Variants in LRP4 observed in about 807,000 individuals in gnomAD.
The protein encoded by LRP4 is low-density lipoprotein receptor-related protein 4.
Under a neutral mutation model 220.3 loss-of-function variants are expected in LRP4, and 95 were observed. The ratio of observed to expected loss-of-function variants is 0.43; its 90% CI spans 0.37 to 0.51. The LOEUF (loss-of-function observed/expected upper bound fraction) is 0.51, where lower values mean the gene tolerates loss of function less well. Ranked by LOEUF, LRP4 falls within the 20% of genes least tolerant of loss-of-function variation. The pLI is 0.00. For missense variants in LRP4, 1,925 were observed against 2,567.0 expected (o/e 0.75, Z 5.40); for synonymous variants, 903 against 954.6 (o/e 0.95, Z 1.00).
At chr11:46,902,724 TG>T in intron 2 of LRP4, 58 bp downstream of exon 2, 1 of 1,602,670 alleles carries the variant, frequency 6.2e-7, no homozygotes, top group Non-Finnish European at 8.5e-7. Context: ...GCCTTGTCCT[TG>T]CCCCCCACCC....
In LRP4 at chr11:46,878,194, C is replaced by T. The variant is rs144109244; in HGVS notation, c.3136+713G>A. ...TTGTGCACTCACAAAAGTGGCACAT[C>T]TAAGGAGGAGGGTACTGTGACATTG... On this transcript the variant is annotated intron_variant, in intron 22 of 37. Transcript: ENST00000378623. Among the ~76,000 whole-genome samples the T allele has an allele frequency of 9.7e-4, 147 of 151,240 alleles. 1 individual carries two copies. Among genetic ancestry groups the T allele is most frequent in the African/African-American group, 3.4e-3 (140 of 41,200 alleles).
chr11:46,897,093 C>T, intron 7 of LRP4, 99 bp from the exon 8 acceptor site: 1 of 1,477,104 alleles, frequency 6.8e-7, no homozygotes, highest in South Asian at 1.1e-5. Flanking sequence ...CCATGCCACT[C>T]TTGACACCGG....
At chr11:46,886,234 TCCA>T (rs1361063165) in intron 17 of LRP4, 62 bp from the exon 18 acceptor site, 4 of 1,598,880 alleles carry the variant, frequency 2.5e-6, no homozygotes, top group African/African-American at 1.3e-5. Context: ...GAGCCCAAAC[TCCA>T]CCAATTCTCA....
chr11:46,896,069 A>G, intron 9 of LRP4, 51 bp from the exon 10 acceptor site: 3 of 1,613,518 alleles, frequency 1.9e-6, no homozygotes, highest in Non-Finnish European at 2.5e-6. Flanking sequence ...CCTCCCCCAG[A>G]GAGCCAACTT....
chr11:46,875,221 G>C lies in LRP4; in HGVS notation c.3926-118C>G. ...TTCTAAGTGACAGGATTCAGTGCCT[G>C]GCAGGGTGAGGTAGAAGGAGGGTCT... On this transcript the variant is annotated intron_variant, in intron 27 of 37. Coordinates refer to ENST00000378623, the MANE Select transcript of LRP4 (RefSeq NM_002334.4). This position sits in a 1 kb window ranked among gnomAD's most constrained non-coding sequence, Gnocchi z 4.5. 9.0e-7 allele frequency: 1 copy of C among 1,111,580 alleles called. No individual in the cohort carries two copies. The highest frequency in any genetic ancestry group is 1.3e-6 in the Non-Finnish European group (1 of 759,290). The allele number at this position is 1,111,580 out of a possible 1,614,324, so 68.9% of individuals were successfully genotyped here.
At chr11:46,879,384 A>C in intron 20 of LRP4, 69 bp from the exon 21 acceptor site, 187 of 1,523,022 alleles carry the variant, frequency 1.2e-4, no homozygotes, top group Non-Finnish European at 1.5e-4. Flanking sequence ...CAAAGAGCTC[A>C]CTGTGGACTC....
At chr11:46,872,017 G>A (rs1033851127) in intron 30 of LRP4, among the ~76,000 whole-genome samples, 1 of 152,160 alleles carries the variant, frequency 6.6e-6, no homozygotes, top group Non-Finnish European at 1.5e-5. Context: ...CAGCACTTTG[G>A]GAGGCCGAGG....
rs765950285 is a variant in LRP4 at position 46,899,400 on chromosome 11, A to T, written c.534T>A (p.Asp178Glu). Reference protein sequence around the residue: ...DGDTDCKDGSDEENCPSAVPA... With the variant: ...DGDTDCKDGSEEENCPSAVPA... ...GGGGCCACTCACGACAGTTCTCCTC[A>T]TCGGAGCCATCTTTGCAGTCGGTGT... Residue 178 changes from aspartate (D) to glutamate (E), a missense_variant, in exon 5 of 38, where the codon GAT becomes GAA. Physicochemically the swap from Asp to Glu is conservative, Grantham distance 45 (BLOSUM62 2). Transcript: ENST00000378623. The surrounding 1 kb of genome is among the most constrained non-coding windows in gnomAD (Gnocchi z 5.9). The T allele has an allele frequency of 6.2e-7, 1 of 1,613,702 alleles. No homozygotes were observed. The highest frequency in any genetic ancestry group is 8.5e-7 in the Non-Finnish European group (1 of 1,179,746).
intron 7 of LRP4, among the ~76,000 whole-genome samples, chr11:46,897,368 A>ATTTTTTTTTTTTTTTT (rs1205633560): frequency 1.2e-5 from 1 of 86,710 alleles, no homozygotes; most frequent in Non-Finnish European, 2.4e-5. Flanking sequence ...TTTTATTTTT[A>ATTTTTTTTTTTTTTTT]TTTTTTTTTA....
Position 46,918,328 on chromosome 11 carries a change from C to T in LRP4, c.52G>A (p.Gly18Ser). Reference protein sequence around the residue: ...LLLGALLCAHGLASSPECACG... With the variant: ...LLLGALLCAHSLASSPECACG... The stretch of plus-strand genomic sequence containing the variant: ...AACTTTCCCGGCGGGCGCCGCTTAC[C>T]GTGTGCGCAGAGCAGGGCGCCAAGC... Residue 18 changes from glycine to serine, a missense_variant and splice_region_variant, in exon 1 of 38, where the codon GGC becomes AGC. By Grantham distance (56) the Gly-to-Ser change is moderately conservative. Transcript: ENST00000378623. This position sits in a 1 kb window ranked among gnomAD's most constrained non-coding sequence, Gnocchi z 6.0. The T allele has an allele frequency of 6.6e-7, 1 of 1,509,092 alleles. No individual in the cohort carries two copies. The highest frequency in any genetic ancestry group is 8.8e-7 in the Non-Finnish European group (1 of 1,134,804). The allele number at this position is 1,509,092 out of a possible 1,614,324, so 93.5% of individuals were successfully genotyped here. A position where few individuals can be genotyped will look rare whatever the true frequency, so the allele number is the denominator to read the frequency against.
chr11:46,865,789 T>C (rs1159208894), intron 34 of LRP4, among the ~76,000 whole-genome samples: 2 of 152,196 alleles, frequency 1.3e-5, no homozygotes, highest in Non-Finnish European at 2.9e-5. Context: ...AATTTTCAAA[T>C]AGAACTCTGA....
chr11:46,891,048 T>C lies in LRP4; in HGVS notation c.1698-554A>G, dbSNP rs1941410831. Among the ~76,000 whole-genome samples, 3 of 152,156 alleles carry C rather than the reference T, an allele frequency of 2.0e-5. 1 individual carries two copies. The highest frequency in any genetic ancestry group is 2.0e-4 in the Admixed American group (3 of 15,264). The stretch of plus-strand genomic sequence containing the variant: ...CAAAACAGACAAAAGTCTCACAGAA[T>C]TGACAATATAATGTAATATTAGGAC... On this transcript the variant is annotated intron_variant, in intron 13 of 37. Transcript: ENST00000378623.
intron 20 of LRP4, among the ~76,000 whole-genome samples, chr11:46,880,029 C>T (rs1360944360): frequency 6.6e-6 from 1 of 152,060 alleles, no homozygotes; most frequent in African/African-American, 2.4e-5. Context: ...TGCTTGAACC[C>T]GGGAGACAGA....
Position 46,918,245 on chromosome 11 carries a change from C to A in LRP4, c.52+83G>T. On this transcript the variant is annotated intron_variant, in intron 1 of 37. Transcript: ENST00000378623. This position sits in a 1 kb window ranked among gnomAD's most constrained non-coding sequence, Gnocchi z 6.0. Reference sequence around the variant, plus strand: ...AGCGAGGGCGAGGGGTCTCAGGCCCCGGCCCGCGCCGTCCAGGTCCCGGGA... The same window carrying A: ...AGCGAGGGCGAGGGGTCTCAGGCCCAGGCCCGCGCCGTCCAGGTCCCGGGA... The A allele has an allele frequency of 7.1e-7, 1 of 1,417,870 alleles. No individual in the cohort carries two copies. Among genetic ancestry groups the A allele is most frequent in the South Asian group, 1.3e-5 (1 of 79,550 alleles). The allele number at this position is 1,417,870 out of a possible 1,614,324, so 87.8% of individuals were successfully genotyped here. A position where few individuals can be genotyped will look rare whatever the true frequency, so the allele number is the denominator to read the frequency against.
In LRP4 at chr11:46,889,513, T is replaced by C. The variant is rs984063208; in HGVS notation, c.2113A>G (p.Asn705Asp). ...QPAGKNRCGD[N>D]NGGCTHLCLP... ...CACAGGTGCGTGCAGCCTCCGTTGT[T>C]GTCCCCACAGCGGTTTTTCCCTGCT... Residue 705 changes from asparagine (N) to aspartate (D), a missense_variant, in exon 16 of 38, where the codon AAC becomes GAC. By Grantham distance (23) the Asn-to-Asp change is conservative. This residue lies in a region of LRP4 where 1,244 missense variants were observed against 1,624.9 expected (regional missense o/e 0.77). Coordinates refer to ENST00000378623, the MANE Select transcript of LRP4 (RefSeq NM_002334.4). 12 of 1,613,906 alleles carry C rather than the reference T, an allele frequency of 7.4e-6. No homozygotes were observed. The highest frequency in any genetic ancestry group is 3.3e-5 in the Admixed American group (2 of 60,004).
chr11:46,896,916 T>C lies in LRP4; in HGVS notation c.875A>G (p.Glu292Gly). ...CVRLSWRCDGEDDCADNSDEE... is the reference protein window; with the variant it reads ...CVRLSWRCDGGDDCADNSDEE... Reference sequence around the variant, plus strand: ...ATCGCTGTTGTCTGCACAGTCGTCCTCCCCATCACAGCGCCAGGACAGGCG... The same window carrying C: ...ATCGCTGTTGTCTGCACAGTCGTCCCCCCCATCACAGCGCCAGGACAGGCG... The change falls in exon 8 of 38, where the codon GAG becomes GGG. Residue 292 changes from glutamate to glycine, a missense_variant. Physicochemically the swap from Glu to Gly is moderately conservative, Grantham distance 98. Transcript: ENST00000378623. 6 of 1,614,188 alleles carry C rather than the reference T, an allele frequency of 3.7e-6. No homozygotes were observed. Among genetic ancestry groups the C allele is most frequent in the Non-Finnish European group, 5.1e-6 (6 of 1,180,024 alleles).
chr11:46,886,809 T>C (rs1341483340), intron 16 of LRP4, among the ~76,000 whole-genome samples: 1 of 152,210 alleles, frequency 6.6e-6, no homozygotes, highest in African/African-American at 2.4e-5. Flanking sequence ...CTCTTCTTAC[T>C]TTTCTCCACC....
Position 46,874,933 on chromosome 11 carries a change from G to A in LRP4, c.4096C>T (p.Arg1366Cys), listed in dbSNP as rs148018749. The change falls in exon 28 of 38, where the codon CGT (arginine) becomes TGT (cysteine). Residue 1366 changes from arginine to cysteine, a missense_variant. This residue lies in a region of LRP4 where 1,244 missense variants were observed against 1,624.9 expected (regional missense o/e 0.77). Coordinates refer to ENST00000378623, the MANE Select transcript of LRP4 (RefSeq NM_002334.4). ...TGGTCACTGGTGTCCAGTGAGATACGCCGGATGGAGCCACGGCTGGAGAAG... is the reference window on the plus strand; with the variant it reads ...TGGTCACTGGTGTCCAGTGAGATACACCGGATGGAGCCACGGCTGGAGAAG... The part of the protein sequence containing the change: ...LLFSSRGSIR[R>C]ISLDTSDHTD... The A allele has an allele frequency of 8.1e-6, 13 of 1,614,154 alleles. No individual in the cohort carries two copies. The highest frequency in any genetic ancestry group is 2.2e-5 in the East Asian group (1 of 44,884).
chr11:46,866,072 TC>T (rs1218300585), intron 34 of LRP4, among the ~76,000 whole-genome samples: 1 of 151,402 alleles, frequency 6.6e-6, no homozygotes, highest in African/African-American at 2.4e-5. Flanking sequence ...AGAATTGAAA[TC>T]AAGTGTTAAC....
Sources: allele counts gnomAD v4.1 joint callset (sites outside exome capture counted in the v4.1 genomes callset), GRCh38; gene constraint gnomAD v4.1.1; regional missense constraint gnomAD v4.1.1; non-coding constraint Gnocchi (gnomAD v3.1); transcripts MANE v1.5; gene names NCBI Gene and HGNC (gene_info 2026-07-23, HGNC 2026-07-21).